The following UPP2 variants were observed in gnomAD, a reference collection of about 807,000 sequenced individuals.
UPP2 encodes uridine phosphorylase 2.
A neutral mutation model predicts 26.7 loss-of-function variants in UPP2; 23 were observed. The ratio of observed to expected loss-of-function variants is 0.86; its 90% CI spans 0.62 to 1.22. The LOEUF (loss-of-function observed/expected upper bound fraction) is 1.22. UPP2 is among the 50% of genes most tolerant of loss of function. The pLI is 0.00. For missense variants in UPP2, 387 were observed against 396.7 expected (o/e 0.98, Z 0.21); for synonymous variants, 127 against 141.3 (o/e 0.90, Z 0.72).
intron 3 of UPP2, among the ~76,000 whole-genome samples, chr2:158,033,596 G>A (rs1347964502): frequency 6.6e-6 from 1 of 152,146 alleles, no homozygotes; most frequent in Non-Finnish European, 1.5e-5. Context: ...CCAGCAGTTG[G>A]TCTCCATGTA....
At chr2:158,086,659 G>A (rs1192526852) in intron 3 of UPP2, among the ~76,000 whole-genome samples, 3 of 152,004 alleles carry the variant, frequency 2.0e-5, no homozygotes, top group Non-Finnish European at 4.4e-5. Flanking sequence ...CACCACCTTT[G>A]CTGTATCCCA....
chr2:157,996,676 A>G (rs939669258), intron 2 of UPP2, among the ~76,000 whole-genome samples: 1 of 152,220 alleles, frequency 6.6e-6, no homozygotes, highest in Non-Finnish European at 1.5e-5. Flanking sequence ...TCAGACTCAG[A>G]TATTACTCAT....
intron 6 of UPP2, among the ~76,000 whole-genome samples, chr2:158,124,604 GAGA>G (rs1255266840): frequency 1.3e-5 from 2 of 152,222 alleles, no homozygotes; most frequent in African/African-American, 4.8e-5. Flanking sequence ...CAGAAGCAGG[GAGA>G]AGAACGAGAA....
chr2:158,045,875 G>C (rs2105167364), intron 3 of UPP2, among the ~76,000 whole-genome samples: 1 of 152,264 alleles, frequency 6.6e-6, no homozygotes, highest in Non-Finnish European at 1.5e-5. Flanking sequence ...GCCAATTGTA[G>C]CTGCAAGTAC....
At chr2:158,103,897 T>C (rs1396533163) in intron 1 of UPP2, among the ~76,000 whole-genome samples, 2 of 152,138 alleles carry the variant, frequency 1.3e-5, no homozygotes, top group South Asian at 2.1e-4. Context: ...TCCCTTTGCT[T>C]TGAGATTTTG....
chr2:158,117,342 G>A (rs1329694349), intron 3 of UPP2, among the ~76,000 whole-genome samples: 1 of 151,962 alleles, frequency 6.6e-6, no homozygotes, highest in African/African-American at 2.4e-5. Context: ...TTCTACTCTA[G>A]TACCTTTCAG....
chr2:158,083,602 G>A (rs1682763533), intron 3 of UPP2, among the ~76,000 whole-genome samples: 1 of 151,902 alleles, frequency 6.6e-6, no homozygotes, highest in African/African-American at 2.4e-5. Flanking sequence ...AATACCTAAT[G>A]TAGATGATGA....
At chr2:158,059,067 G>A (rs1014576843) in intron 3 of UPP2, among the ~76,000 whole-genome samples, 1 of 152,202 alleles carries the variant, frequency 6.6e-6, no homozygotes, top group Admixed American at 6.5e-5. Flanking sequence ...TATTAGCTAA[G>A]CTACTGATTC....
chr2:158,080,361 A>C (rs1231516549), intron 3 of UPP2, among the ~76,000 whole-genome samples: 1 of 152,122 alleles, frequency 6.6e-6, no homozygotes, highest in East Asian at 1.9e-4. Context: ...GCTTTAAAAC[A>C]ATTATCCTTT....
chr2:158,077,592 AG>A (rs1682650691), intron 3 of UPP2, among the ~76,000 whole-genome samples: 1 of 152,194 alleles, frequency 6.6e-6, no homozygotes. Context: ...CATAGGCAGA[AG>A]AATAAAACTA....
At chr2:158,123,257 G>C (rs1359590952) in intron 5 of UPP2, among the ~76,000 whole-genome samples, 1 of 152,204 alleles carries the variant, frequency 6.6e-6, no homozygotes, top group Non-Finnish European at 1.5e-5. Context: ...GAAGTGTGCG[G>C]AAAGGGGGAA....
chr2:158,060,737 G>T (rs1483853511), intron 3 of UPP2, among the ~76,000 whole-genome samples: 1 of 152,064 alleles, frequency 6.6e-6, no homozygotes, highest in Non-Finnish European at 1.5e-5. Context: ...CCCATAATGA[G>T]ATTAGTACCC....
At chr2:158,113,169 G>A (rs567448668) in intron 2 of UPP2, among the ~76,000 whole-genome samples, 6 of 152,222 alleles carry the variant, frequency 3.9e-5, no homozygotes, top group East Asian at 3.9e-4. Flanking sequence ...AATTCCTGTC[G>A]ATTATAGCAA....
chr2:158,013,070 C>T lies in UPP2; in HGVS notation c.62-2731C>T, dbSNP rs73001487. Among the ~76,000 whole-genome samples the T allele has an allele frequency of 4.4e-3, 670 of 152,084 alleles. 3 individuals carry two copies. The highest frequency in any genetic ancestry group is 0.015 in the African/African-American group (615 of 41,472). On this transcript the variant is annotated intron_variant, in intron 2 of 9. Transcript: ENST00000605860. ...CCAGGCCGGAGTGCAGTGGTGCAAT[C>T]GTAGCTCCTGGCCTCAAGCAATCCT...
At chr2:158,118,002 A>G in intron 4 of UPP2, 64 bp downstream of exon 4, 1 of 1,364,986 alleles carries the variant, frequency 7.3e-7, no homozygotes, top group Non-Finnish European at 1.0e-6. Flanking sequence ...AGCTGCCAAA[A>G]TATAACATCC....
At chr2:158,003,862 G>A (rs1419945233) in intron 2 of UPP2, among the ~76,000 whole-genome samples, 5 of 152,210 alleles carry the variant, frequency 3.3e-5, no homozygotes, top group African/African-American at 9.6e-5. Flanking sequence ...TTGTGTGTGT[G>A]TATGTGTATT....
At chr2:158,104,946 G>A (rs1574293031) in intron 1 of UPP2, among the ~76,000 whole-genome samples, 1 of 58,824 alleles carries the variant, frequency 1.7e-5, no homozygotes, top group Non-Finnish European at 2.9e-5. Context: ...GGAAGGGAAG[G>A]GAAGGGAAGG....
At chr2:158,104,253 G>C (rs1683133545) in intron 1 of UPP2, among the ~76,000 whole-genome samples, 1 of 152,126 alleles carries the variant, frequency 6.6e-6, no homozygotes, top group Non-Finnish European at 1.5e-5. Context: ...AATTAATACT[G>C]ATCAAGGAGA....
chr2:158,045,040 T>C (rs1684132243), intron 3 of UPP2, among the ~76,000 whole-genome samples: 1 of 152,246 alleles, frequency 6.6e-6, no homozygotes, highest in Admixed American at 6.5e-5. Context: ...TTTCCACCTT[T>C]CCACCTTTTT....
Sources: allele counts gnomAD v4.1 joint callset (sites outside exome capture counted in the v4.1 genomes callset), GRCh38; gene constraint gnomAD v4.1.1; transcripts MANE v1.5; gene names NCBI Gene and HGNC (gene_info 2026-07-23, HGNC 2026-07-21).